The following HADHA variants were observed in gnomAD, a reference collection of about 807,000 sequenced individuals.
HADHA encodes hydroxyacyl-CoA dehydrogenase trifunctional multienzyme complex subunit alpha.
HADHA carries 59 observed loss-of-function variants against 91.3 expected under a neutral mutation model. That is an observed-to-expected ratio of 0.65 (90% CI 0.52 to 0.80). The LOEUF is 0.80. Among genes scored for constraint, HADHA ranks in the 30% least tolerant of loss-of-function variants. The probability of loss-of-function intolerance (pLI) is 0.00; values close to 1 mark genes in which losing one functional copy is unlikely to be tolerated. For synonymous variants in HADHA, 320 were observed against 338.9 expected (o/e 0.94, Z 0.61); for missense variants, 800 against 927.6 (o/e 0.86, Z 1.79).
In HADHA at chr2:26,191,515, A is replaced by T. The variant is rs1240187200; in HGVS notation, c.2114T>A (p.Val705Asp). The T allele has an allele frequency of 2.5e-6, 4 of 1,613,984 alleles. No individual in the cohort carries two copies. The African/African-American group carries it at 4.0e-5, about 16-fold the overall frequency. The change falls in exon 19 of 20, where the codon GTC becomes GAC. Residue 705 changes from valine (V) to aspartate (D), a missense_variant. Coordinates refer to ENST00000380649, the MANE Select transcript of HADHA (RefSeq NM_000182.5). ...ATPAEGDIGA[V>D]FGLGFPPCLG... ...ACAAGGCGGGAAGCCAAGCCCAAAG[A>T]CGGCTCCGATGTCTCCCTCTGCAGG...
chr2:26,212,935 A>C (rs1321406752), intron 9 of HADHA, among the ~76,000 whole-genome samples: 5 of 151,996 alleles, frequency 3.3e-5, no homozygotes, highest in African/African-American at 9.7e-5. Flanking sequence ...AGCCCTTTTC[A>C]CTCTCTACAC....
At chr2:26,237,018 G>T in intron 3 of HADHA, 30 bp from the exon 4 acceptor site, 2 of 1,567,492 alleles carry the variant, frequency 1.3e-6, no homozygotes, top group Non-Finnish European at 8.8e-7. Flanking sequence ...ACAGGTAAGG[G>T]TTTAAATTTG....
intron 9 of HADHA, among the ~76,000 whole-genome samples, chr2:26,213,986 T>C (rs1272975142): frequency 6.6e-6 from 1 of 152,256 alleles, no homozygotes; most frequent in African/African-American, 2.4e-5. Context: ...ATTATTCTCA[T>C]TGATCTTTTG....
intron 10 of HADHA, 125 bp downstream of exon 10, chr2:26,212,445 G>A (rs1670124387): frequency 1.4e-6 from 1 of 722,890 alleles, no homozygotes; most frequent in East Asian, 2.7e-5. Flanking sequence ...GAGATGATAA[G>A]CACTGGAAGA....
In HADHA at chr2:26,229,348, G is replaced by GCGCACACACACACACACA. The variant is rs1553315305; in HGVS notation, c.676+843_676+844insTGTGTGTGTGTGTGTGCG. On this transcript the variant is annotated intron_variant, in intron 7 of 19. Coordinates refer to ENST00000380649, the MANE Select transcript of HADHA (RefSeq NM_000182.5). This position sits in a 1 kb window ranked among gnomAD's most constrained non-coding sequence, Gnocchi z 4.3. ...GTGAGACCCCAACATGTGTGCGCGC[G>GCGCACACACACACACACA]CACACACACACACACACACACACAC... Among the ~76,000 whole-genome samples, 1 of 147,520 alleles carries GCGCACACACACACACACA rather than the reference G, an allele frequency of 6.8e-6. No homozygotes were observed. The highest frequency in any genetic ancestry group is 2.5e-5 in the African/African-American group (1 of 39,538).
intron 5 of HADHA, among the ~76,000 whole-genome samples, chr2:26,232,993 G>C (rs1460478206): frequency 1.3e-5 from 2 of 152,138 alleles, no homozygotes; most frequent in African/African-American, 4.8e-5. Flanking sequence ...AGTGGTTTCA[G>C]GATGAAACTG....
chr2:26,212,042 A>C (rs528665277), intron 10 of HADHA: 1 of 159,374 alleles, frequency 6.3e-6, no homozygotes, highest in East Asian at 1.8e-4. Flanking sequence ...CCTTATTACT[A>C]AAAGTAAGTT....
intron 16 of HADHA, among the ~76,000 whole-genome samples, chr2:26,194,013 T>C (rs1669588707): frequency 6.6e-6 from 1 of 152,224 alleles, no homozygotes; most frequent in Non-Finnish European, 1.5e-5. Flanking sequence ...GACTAAATTC[T>C]TCATTTTCTT....
rs779034997 is a variant in HADHA, at chr2:26,214,611, C to G, written c.800-50G>C. 6 of 977,262 alleles carry G rather than the reference C, an allele frequency of 6.1e-6. No homozygotes were observed. The highest frequency in any genetic ancestry group is 5.1e-5 in the South Asian group (4 of 78,018). The allele number at this position is 977,262 out of a possible 1,614,324, so 60.5% of individuals were successfully genotyped here. ...ATTTACTATAAAGAGCCTAGATTCC[C>G]TTGTTAGTTTATGCTCTAAACTCTA... On this transcript the variant is annotated intron_variant, in intron 8 of 19. Coordinates refer to ENST00000380649, the MANE Select transcript of HADHA (RefSeq NM_000182.5). The surrounding 1 kb of genome is among the most constrained non-coding windows in gnomAD (Gnocchi z 4.1).
At position 26,229,341 on chromosome 2, in the gene HADHA, T is replaced by C. The variant is rs2384361; in HGVS notation, c.676+851A>G. On this transcript the variant is annotated intron_variant, in intron 7 of 19. Coordinates refer to ENST00000380649, the MANE Select transcript of HADHA (RefSeq NM_000182.5). This position sits in a 1 kb window ranked among gnomAD's most constrained non-coding sequence, Gnocchi z 4.3. ...CAACAGAGTGAGACCCCAACATGTG[T>C]GCGCGCGCACACACACACACACACA... Among the ~76,000 whole-genome samples, 122,959 of 150,660 alleles carry C rather than the reference T, an allele frequency of 0.82. 50,475 individuals are homozygous for C. The highest frequency in any genetic ancestry group is 0.92 in the African/African-American group (37,836 of 40,966).
At chr2:26,220,340 T>C (rs770785000) in intron 7 of HADHA, among the ~76,000 whole-genome samples, 5 of 152,206 alleles carry the variant, frequency 3.3e-5, no homozygotes, top group Non-Finnish European at 7.3e-5. Context: ...TAAGGGCTAC[T>C]ATGGTGGGAA....
At chr2:26,222,465 C>T (rs1253708909) in intron 7 of HADHA, among the ~76,000 whole-genome samples, 1 of 152,152 alleles carries the variant, frequency 6.6e-6, no homozygotes, top group Non-Finnish European at 1.5e-5. Context: ...ATTAAATGCT[C>T]ATCAAAGAGT....
intron 16 of HADHA, among the ~76,000 whole-genome samples, chr2:26,194,037 C>T (rs1191282355): frequency 6.6e-6 from 1 of 152,172 alleles, no homozygotes; most frequent in African/African-American, 2.4e-5. Flanking sequence ...GTTTGCATTT[C>T]TGAATCTCAA....
intron 9 of HADHA, among the ~76,000 whole-genome samples, chr2:26,213,947 G>C (rs1011879142): frequency 1.3e-5 from 2 of 152,160 alleles, no homozygotes; most frequent in Non-Finnish European, 2.9e-5. Flanking sequence ...TCTACTGTTG[G>C]AGATTTCTTG....
In HADHA at chr2:26,214,378, AAGG is replaced by A. The variant is rs1351965910; in HGVS notation, c.918+62_918+64del. 8.4e-6 allele frequency: 7 copies of A among 828,904 alleles called. No homozygotes were observed. The highest frequency in any genetic ancestry group is 2.4e-5 in the East Asian group (1 of 41,446). 51.3% of individuals were successfully genotyped at this position (828,904 alleles called of 1,614,324 possible). Reference sequence around the variant, plus strand: ...AACATACATGGTCCAGAATGGCAATAAGGAGGAGTGATCTATATAAAGGAAGGA... The same window carrying A: ...AACATACATGGTCCAGAATGGCAATAAGGAGTGATCTATATAAAGGAAGGA... On this transcript the variant is annotated intron_variant, in intron 9 of 19. Coordinates refer to ENST00000380649, the MANE Select transcript of HADHA (RefSeq NM_000182.5). The surrounding 1 kb of genome is among the most constrained non-coding windows in gnomAD (Gnocchi z 4.1).
At chr2:26,209,737 A>G (rs774955995) in intron 11 of HADHA, 43 bp downstream of exon 11, 1 of 932,490 alleles carries the variant, frequency 1.1e-6, no homozygotes, top group South Asian at 1.3e-5. Flanking sequence ...AACTTTGCAC[A>G]CAGTAAAATT....
At chr2:26,227,339 C>T (rs931941893) in intron 7 of HADHA, among the ~76,000 whole-genome samples, 1 of 151,946 alleles carries the variant, frequency 6.6e-6, no homozygotes, top group Non-Finnish European at 1.5e-5. Flanking sequence ...TGGTAAAACC[C>T]GATCTCTACT....
In HADHA at chr2:26,197,736, A is replaced by G. The variant is rs780854216; in HGVS notation, c.1434T>C (p.Ala478=). ...DHCIFASNTS[A]LPISEIAAVS... ...CAGCAGCGATTTCACTGATTGGGAG[A>G]GCAGATGTGTTACTGGCAAAGATAC... Residue 478 remains alanine, a synonymous_variant, in exon 14 of 20, where the codon GCT becomes GCC. Transcript: ENST00000380649. The G allele has an allele frequency of 7.0e-6, 11 of 1,562,798 alleles. No homozygotes were observed. The highest frequency in any genetic ancestry group is 1.4e-5 in the African/African-American group (1 of 73,902).
chr2:26,204,103 G>A lies in HADHA; in HGVS notation c.1179C>T (p.Thr393=). 6.2e-7 allele frequency: 1 copy of A among 1,613,840 alleles called. No individual in the cohort carries two copies. The part of the protein sequence containing the change: ...KGLKTILKDA[T]LTALDRGQQQ... Reference sequence around the variant, plus strand: ...GCTGTCCTCGGTCTAGCGCAGTGAGGGTGGCATCTTTAAGTATAGTCTTTA... The same window carrying A: ...GCTGTCCTCGGTCTAGCGCAGTGAGAGTGGCATCTTTAAGTATAGTCTTTA... The change falls in exon 12 of 20, where the codon ACC becomes ACT. Residue 393 remains threonine (T), a synonymous_variant. Coordinates refer to ENST00000380649, the MANE Select transcript of HADHA (RefSeq NM_000182.5).
Sources: gnomAD v4.1 joint callset for allele counts (sites outside exome capture counted in the v4.1 genomes callset) on GRCh38, gnomAD v4.1.1 for gene constraint, Gnocchi (gnomAD v3.1) non-coding constraint, MANE v1.5 for transcripts, NCBI Gene and HGNC (gene_info 2026-07-23, HGNC 2026-07-21) for gene names.